Variants in CADPS2 observed in about 807,000 individuals in gnomAD.
The protein encoded by CADPS2 is calcium dependent secretion activator 2.
In CADPS2, 93 loss-of-function variants were observed where a neutral mutation model predicts 172.5. The ratio of observed to expected loss-of-function variants is 0.54; its 90% CI spans 0.46 to 0.64. The LOEUF (loss-of-function observed/expected upper bound fraction) is 0.64. CADPS2 is among the 30% of genes least tolerant of loss of function. The pLI is 0.00. For missense variants in CADPS2, 1,420 were observed against 1,565.9 expected (o/e 0.91, Z 1.57); for synonymous variants, 546 against 555.2 (o/e 0.98, Z 0.23).
intron 5 of CADPS2, among the ~76,000 whole-genome samples, chr7:122,615,872 C>T (rs2074852770): frequency 6.6e-6 from 1 of 151,900 alleles, no homozygotes; most frequent in African/African-American, 2.4e-5. Context: ...TGTCACTGAA[C>T]ATTTTAATAC....
At chr7:122,745,369 C>T (rs778727350) in intron 1 of CADPS2, among the ~76,000 whole-genome samples, 8 of 151,740 alleles carry the variant, frequency 5.3e-5, no homozygotes, top group Non-Finnish European at 1.0e-4. Context: ...TCTTACTTAA[C>T]CTCGCATCTA....
At chr7:122,835,636 T>C (rs1335488899) in intron 1 of CADPS2, among the ~76,000 whole-genome samples, 1 of 152,116 alleles carries the variant, frequency 6.6e-6, no homozygotes. Flanking sequence ...ACGTGATGAA[T>C]GTACAAGCTT....
Position 122,436,376 on chromosome 7 carries a change from T to C in CADPS2, c.2476+1965A>G, listed in dbSNP as rs995164916. On this transcript the variant is annotated intron_variant, in intron 17 of 29. Transcript: ENST00000449022. ...ATTAATTACCTGTTTCCTTTTCTGCTGGGCCTAAAACATAAGAAAAGAGAA... is the reference window on the plus strand; with the variant it reads ...ATTAATTACCTGTTTCCTTTTCTGCCGGGCCTAAAACATAAGAAAAGAGAA... 2.8e-5 allele frequency: 36 copies of C among 1,281,084 alleles called. No individual in the cohort carries two copies. The African/African-American group carries it at 4.9e-4, about 18-fold the overall frequency. The allele number at this position is 1,281,084 out of a possible 1,614,324, so 79.4% of individuals were successfully genotyped here.
chr7:122,593,236 A>G (rs545272606), intron 6 of CADPS2, among the ~76,000 whole-genome samples: 1 of 152,160 alleles, frequency 6.6e-6, no homozygotes, highest in South Asian at 2.1e-4. Flanking sequence ...TATAAAAGAT[A>G]ACAATCTAAG....
intron 27 of CADPS2, among the ~76,000 whole-genome samples, chr7:122,347,296 G>C (rs918329024): frequency 2.0e-5 from 3 of 151,390 alleles, no homozygotes; most frequent in Non-Finnish European, 4.4e-5. Flanking sequence ...ATTTTTTTTT[G>C]GAGGGGGCAT....
At chr7:122,372,565 A>G (rs1031873638) in intron 25 of CADPS2, among the ~76,000 whole-genome samples, 2 of 152,246 alleles carry the variant, frequency 1.3e-5, no homozygotes, top group African/African-American at 2.4e-5. Context: ...AGAGGTAAAA[A>G]GAAGAAAGTG....
At chr7:122,409,569 C>A in intron 19 of CADPS2, 1 of 451,534 alleles carries the variant, frequency 2.2e-6, no homozygotes, top group Non-Finnish European at 4.7e-6. Context: ...AAGTTGTACT[C>A]CTGATGATGC....
intron 20 of CADPS2, 80 bp from the exon 21 acceptor site, chr7:122,393,662 T>A: frequency 6.9e-7 from 1 of 1,456,910 alleles, no homozygotes; most frequent in East Asian, 2.3e-5. Flanking sequence ...AAAAACACGT[T>A]TTCTGAGAGA....
At chr7:122,360,733 A>G (rs915262658) in intron 27 of CADPS2, 55 bp downstream of exon 27, 77 of 1,488,094 alleles carry the variant, frequency 5.2e-5, no homozygotes, top group Non-Finnish European at 6.4e-5. Context: ...GATGAACTGC[A>G]ATTTTTTTTT....
intron 1 of CADPS2, among the ~76,000 whole-genome samples, chr7:122,879,714 T>C (rs1450163825): frequency 6.6e-6 from 1 of 152,154 alleles, no homozygotes; most frequent in East Asian, 1.9e-4. Context: ...AATATTTTCA[T>C]TATAAAAATC....
intron 12 of CADPS2, among the ~76,000 whole-genome samples, 156 bp downstream of exon 12, chr7:122,480,696 T>C (rs1482106533): frequency 6.6e-6 from 1 of 152,188 alleles, no homozygotes; most frequent in Admixed American, 6.5e-5. Flanking sequence ...CGATAGACAT[T>C]TTTTGTTTTG....
At chr7:122,650,249 C>T (rs1178541031) in intron 3 of CADPS2, among the ~76,000 whole-genome samples, 1 of 151,554 alleles carries the variant, frequency 6.6e-6, no homozygotes, top group Non-Finnish European at 1.5e-5. Context: ...AAATATATAT[C>T]AAATATATAA....
At chr7:122,405,538 C>G (rs1225465811) in intron 20 of CADPS2, among the ~76,000 whole-genome samples, 1 of 152,120 alleles carries the variant, frequency 6.6e-6, no homozygotes, top group Non-Finnish European at 1.5e-5. Flanking sequence ...TGGTGCACGC[C>G]TGTAATCCCA....
At chr7:122,379,469 T>C (rs1173478971) in intron 24 of CADPS2, 27 bp from the exon 25 acceptor site, 2 of 1,476,244 alleles carry the variant, frequency 1.4e-6, no homozygotes, top group Non-Finnish European at 9.4e-7. Context: ...AAAAACTCAT[T>C]AGTTGACATG....
intron 2 of CADPS2, among the ~76,000 whole-genome samples, chr7:122,708,843 C>A (rs1057165925): frequency 6.6e-6 from 1 of 151,362 alleles, no homozygotes; most frequent in Non-Finnish European, 1.5e-5. Flanking sequence ...TGGGAAGTAA[C>A]GGGGGGAAAA....
chr7:122,780,854 G>A (rs1376417513), intron 1 of CADPS2, among the ~76,000 whole-genome samples: 5 of 151,370 alleles, frequency 3.3e-5, no homozygotes, highest in South Asian at 2.1e-4. Context: ...CTCTGACAGC[G>A]TTTATATTGG....
rs1006583690 is a variant in CADPS2, at chr7:122,319,004, G to A, written c.*1161C>T. On this transcript the variant is annotated 3_prime_UTR_variant, in exon 30 of 30. Coordinates refer to ENST00000449022, the MANE Select transcript of CADPS2 (RefSeq NM_017954.11). ...CAAAAATAATTCATAGAGAACTTACGCAACATAATACAATTATCTCTCAAA... is the reference window on the plus strand; with the variant it reads ...CAAAAATAATTCATAGAGAACTTACACAACATAATACAATTATCTCTCAAA... 1.3e-5 allele frequency: 2 copies of A among 152,034 alleles called. No individual in the cohort carries two copies. The highest frequency in any genetic ancestry group is 2.9e-5 in the Non-Finnish European group (2 of 68,026). The allele number at this position is 152,034 out of a possible 1,614,324, so 9.4% of individuals were successfully genotyped here. A position where few individuals can be genotyped will look rare whatever the true frequency, so the allele number is the denominator to read the frequency against.
At chr7:122,712,514 C>T (rs1280232227) in intron 2 of CADPS2, among the ~76,000 whole-genome samples, 1 of 152,124 alleles carries the variant, frequency 6.6e-6, no homozygotes, top group African/African-American at 2.4e-5. Context: ...GGAACAATCT[C>T]CTGTCCTAAT....
chr7:122,575,628 G>A (rs1465568774), intron 7 of CADPS2, among the ~76,000 whole-genome samples: 1 of 151,826 alleles, frequency 6.6e-6, no homozygotes, highest in Non-Finnish European at 1.5e-5. Context: ...ATAGAGATGA[G>A]GTTTCACCAT....
Sources: allele counts gnomAD v4.1 joint callset (sites outside exome capture counted in the v4.1 genomes callset), GRCh38; gene constraint gnomAD v4.1.1; transcripts MANE v1.5; gene names NCBI Gene and HGNC (gene_info 2026-07-23, HGNC 2026-07-21).